Variants in SYNE1 observed in about 807,000 individuals in gnomAD.
SYNE1 encodes the protein spectrin repeat containing nuclear envelope protein 1, also known as nesprin-1.
In SYNE1, 616 loss-of-function variants were observed where a neutral mutation model predicts 1,111.0. The observed-to-expected ratio is 0.55, with a 90% CI of 0.52 to 0.59. The LOEUF is 0.59. SYNE1 is among the 20% of genes least tolerant of loss of function. SYNE1 has a pLI of 0.00. For synonymous variants in SYNE1, 3,855 were observed against 3,825.8 expected, an observed-to-expected ratio of 1.01 and a Z score of -0.28; for missense variants, 10,006 against 10,417.0, an observed-to-expected ratio of 0.96 and a Z score of 1.72.
At chr6:152,616,150 A>T (rs904548484) in intron 3 of SYNE1, among the ~76,000 whole-genome samples, 1 of 152,222 alleles carries the variant, frequency 6.6e-6, no homozygotes, top group African/African-American at 2.4e-5. Flanking sequence ...GCTTCACTTC[A>T]TTAAATAACC....
intron 113 of SYNE1, 98 bp downstream of exon 113, chr6:152,232,018 A>G: frequency 1.1e-6 from 1 of 908,374 alleles, no homozygotes; most frequent in South Asian, 1.5e-5. Flanking sequence ...TAGGAAACAT[A>G]CATTCCAAGA....
chr6:152,364,935 G>A lies in SYNE1; in HGVS notation c.10057C>T (p.Pro3353Ser). 1 of 1,614,190 alleles carries A rather than the reference G, an allele frequency of 6.2e-7. No individual in the cohort carries two copies. Among genetic ancestry groups the A allele is most frequent in the Non-Finnish European group, 8.5e-7 (1 of 1,180,034 alleles). Reference protein sequence around the residue: ...RGESVLQNTSPEGIPTIQQQL... With the variant: ...RGESVLQNTSSEGIPTIQQQL... ...TGCTGAATAGTGGGAATGCCTTCTG[G>A]AGAAGTATTCTGAAGGACAGATTCT... Residue 3353 changes from proline (P) to serine (S), a missense_variant, in exon 63 of 146, where the codon CCA (proline) becomes TCA (serine). Around this residue, in one of 7 missense-constraint regions of SYNE1, gnomAD observed 4,955 missense variants for 5,017.2 expected, o/e 0.99. Transcript: ENST00000367255.
At chr6:152,167,682 G>A (rs1193825314) in intron 130 of SYNE1, 1 of 475,940 alleles carries the variant, frequency 2.1e-6, no homozygotes, top group South Asian at 1.6e-5. Flanking sequence ...TTTATTTCAT[G>A]AAAGGAAAGC....
At chr6:152,399,965 G>A (rs2097787586) in intron 47 of SYNE1, 142 bp from the exon 48 acceptor site, 2 of 940,218 alleles carry the variant, frequency 2.1e-6, no homozygotes, top group East Asian at 2.6e-5. Context: ...GCGTTTTTGA[G>A]TACTTGTACT....
chr6:152,458,648 T>C, intron 22 of SYNE1, 109 bp downstream of exon 22: 1 of 1,200,502 alleles, frequency 8.3e-7, no homozygotes, highest in Non-Finnish European at 1.2e-6. Flanking sequence ...GTAGTACTAT[T>C]CTAGAAAAAT....
intron 14 of SYNE1, chr6:152,481,589 T>C (rs1360256421): frequency 4.5e-6 from 2 of 448,454 alleles, no homozygotes; most frequent in Non-Finnish European, 8.9e-6. Flanking sequence ...CCAGTTAAGG[T>C]AAAAAAATAG....
chr6:152,600,105 T>C (rs1447715312), intron 3 of SYNE1, among the ~76,000 whole-genome samples: 1 of 152,206 alleles, frequency 6.6e-6, no homozygotes, highest in African/African-American at 2.4e-5. Context: ...TTAAATGCAG[T>C]AGCAGTTGAC....
intron 129 of SYNE1, among the ~76,000 whole-genome samples, chr6:152,177,756 A>G (rs1044984670): frequency 6.6e-6 from 1 of 152,228 alleles, no homozygotes; most frequent in African/African-American, 2.4e-5. Flanking sequence ...GATTTTATTG[A>G]GAAGTGTTTC....
At position 152,637,251 on chromosome 6, in the gene SYNE1, C is replaced by G. The variant is rs1032654106; in HGVS notation, c.-454G>C. Reference sequence around the variant, plus strand: ...CTGCAAAGCTGTGCTGTGACCCACCCGCTCAGCGAGCCTTTATACCGGGAC... The same window carrying G: ...CTGCAAAGCTGTGCTGTGACCCACCGGCTCAGCGAGCCTTTATACCGGGAC... On this transcript the variant is annotated 5_prime_UTR_variant, in exon 1 of 146. Coordinates refer to ENST00000367255, the MANE Select transcript of SYNE1 (RefSeq NM_182961.4). 6.6e-6 allele frequency: 1 copy of G among 152,280 alleles called. No individual in the cohort carries two copies. Among genetic ancestry groups the G allele is most frequent in the East Asian group, 1.9e-4 (1 of 5,186 alleles). 9.4% of individuals were successfully genotyped at this position (152,280 alleles called of 1,614,324 possible).
rs114115142 is a variant in SYNE1 at position 152,125,090 on chromosome 6, C to G, written c.26154-2414G>C. ...ACCCTGTGATTTTAACTACCAGAACCTGGAGACTCTAGACAGGCTGAATGA... is the reference window on the plus strand; with the variant it reads ...ACCCTGTGATTTTAACTACCAGAACGTGGAGACTCTAGACAGGCTGAATGA... On this transcript the variant is annotated intron_variant, in intron 145 of 145. Transcript: ENST00000367255. Among the ~76,000 whole-genome samples the G allele has an allele frequency of 6.4e-3, 970 of 152,330 alleles. 13 individuals carry two copies. Among genetic ancestry groups the G allele is most frequent in the African/African-American group, 0.022 (917 of 41,560 alleles).
chr6:152,607,364 A>G (rs1380858852), intron 3 of SYNE1, among the ~76,000 whole-genome samples: 1 of 152,212 alleles, frequency 6.6e-6, no homozygotes, highest in Non-Finnish European at 1.5e-5. Context: ...AGGAAGTCCT[A>G]TAGAAAAGTG....
intron 89 of SYNE1, 92 bp downstream of exon 89, chr6:152,310,304 A>G: frequency 6.5e-7 from 1 of 1,535,018 alleles, no homozygotes; most frequent in Non-Finnish European, 8.9e-7. Flanking sequence ...AAAAAATAAA[A>G]CAGTGTTGAG....
intron 3 of SYNE1, among the ~76,000 whole-genome samples, chr6:152,583,776 C>G (rs1007471451): frequency 1.3e-5 from 2 of 152,168 alleles, no homozygotes; most frequent in African/African-American, 4.8e-5. Flanking sequence ...GGTCATTTGA[C>G]TGAATTTATC....
chr6:152,247,782 T>C (rs10677967), intron 105 of SYNE1, among the ~76,000 whole-genome samples: 7,265 of 105,964 alleles, frequency 0.069, 226 homozygotes, highest in East Asian at 0.14. Context: ...CACACACACA[T>C]ATATTTTTAA....
In SYNE1 at chr6:152,278,374, T is replaced by C. The variant is rs140683119; in HGVS notation, c.18382-94A>G. ...TGAAATACAGCCCTTTGGAGTCTTT[T>C]ACGAAACGGACAGGCTTTCATGATT... is the stretch of plus-strand genomic sequence containing the variant. On this transcript the variant is annotated intron_variant, in intron 97 of 145. Transcript: ENST00000367255. 2.6e-3 allele frequency: 3,745 copies of C among 1,425,438 alleles called. 9 individuals carry two copies. Among genetic ancestry groups the C allele is most frequent in the Non-Finnish European group, 3.1e-3 (3,117 of 1,015,996 alleles). The allele number at this position is 1,425,438 out of a possible 1,614,324, so 88.3% of individuals were successfully genotyped here.
At chr6:152,541,573 C>A (rs1286410155) in intron 3 of SYNE1, among the ~76,000 whole-genome samples, 1 of 151,754 alleles carries the variant, frequency 6.6e-6, no homozygotes, top group Admixed American at 6.6e-5. Flanking sequence ...ACGGTGAAAC[C>A]CTGCCTCTAC....
intron 3 of SYNE1, among the ~76,000 whole-genome samples, chr6:152,566,620 G>T (rs188253643): frequency 1.3e-5 from 2 of 152,162 alleles, no homozygotes; most frequent in South Asian, 2.1e-4. Flanking sequence ...AGGCTTAGTG[G>T]GATTATCAAC....
chr6:152,250,217 T>C (rs2088732733), intron 104 of SYNE1, among the ~76,000 whole-genome samples: 1 of 151,512 alleles, frequency 6.6e-6, no homozygotes, highest in Non-Finnish European at 1.5e-5. Flanking sequence ...TGAGCTATGA[T>C]CACGCCACTA....
chr6:152,293,508 A>G (rs1162314958), intron 95 of SYNE1, 80 bp downstream of exon 95: 1 of 1,548,392 alleles, frequency 6.5e-7, no homozygotes, highest in Non-Finnish European at 8.9e-7. Context: ...GGCTGTCTCA[A>G]ACACATGCCT....
Sources: gnomAD v4.1 joint callset for allele counts (sites outside exome capture counted in the v4.1 genomes callset) on GRCh38, gnomAD v4.1.1 for gene constraint, gnomAD v4.1.1 regional missense constraint, MANE v1.5 for transcripts, NCBI Gene and HGNC (gene_info 2026-07-23, HGNC 2026-07-21) for gene names.